Variants in GLI2 observed in about 807,000 individuals in gnomAD.
GLI2 encodes GLI family zinc finger 2.
GLI2 carries 22 observed loss-of-function variants against 78.9 expected under a neutral mutation model. That is an observed-to-expected ratio of 0.28 (90% confidence interval 0.20 to 0.40). The LOEUF (loss-of-function observed/expected upper bound fraction) is 0.40. Ranked by LOEUF, GLI2 falls within the 10% of genes least tolerant of loss-of-function variation. The probability of loss-of-function intolerance (pLI) is 1.00; values close to 1 mark genes in which losing one functional copy is unlikely to be tolerated. For missense variants in GLI2, 2,097 were observed against 2,213.2 expected, an observed-to-expected ratio of 0.95 and a Z score of 1.05; for synonymous variants, 974 against 963.7, an observed-to-expected ratio of 1.01 and a Z score of -0.20.
At chr2:120,969,314 G>A (rs1682021304) in intron 6 of GLI2, among the ~76,000 whole-genome samples, 1 of 152,194 alleles carries the variant, frequency 6.6e-6, no homozygotes, top group Non-Finnish European at 1.5e-5. Context: ...GCCTCCCTCT[G>A]TAGCCGCATG....
At chr2:120,785,185 G>A (rs1172548335) in intron 1 of GLI2, among the ~76,000 whole-genome samples, 2 of 152,164 alleles carry the variant, frequency 1.3e-5, no homozygotes, top group Non-Finnish European at 2.9e-5. Context: ...GGGTGGCTGA[G>A]GGCATGTGGC....
chr2:120,890,915 C>T (rs1677651666), intron 2 of GLI2, among the ~76,000 whole-genome samples: 2 of 152,140 alleles, frequency 1.3e-5, no homozygotes, highest in South Asian at 4.1e-4. Flanking sequence ...TGTGTGTCCT[C>T]CAGTTCTCCT....
At chr2:120,975,768 TA>T (rs1303972756) in intron 9 of GLI2, among the ~76,000 whole-genome samples, 67 of 152,286 alleles carry the variant, frequency 4.4e-4, no homozygotes, top group African/African-American at 1.6e-3. Context: ...ATATGGCAGT[TA>T]GGGGTGATGT....
intron 3 of GLI2, among the ~76,000 whole-genome samples, chr2:120,938,316 C>T (rs530625171): frequency 5.9e-5 from 9 of 152,206 alleles, no homozygotes; most frequent in Non-Finnish European, 1.0e-4. Context: ...CTAGGAAAAA[C>T]GTCTCCCTGA....
intron 2 of GLI2, among the ~76,000 whole-genome samples, chr2:120,816,294 C>T (rs1023469211): frequency 6.7e-6 from 1 of 149,836 alleles, no homozygotes; most frequent in Non-Finnish European, 1.5e-5. Context: ...CTCCCGGGTT[C>T]AGGTGATTCT....
intron 2 of GLI2, among the ~76,000 whole-genome samples, chr2:120,879,346 G>A (rs1381715654): frequency 6.6e-6 from 1 of 152,236 alleles, no homozygotes; most frequent in Admixed American, 6.5e-5. Flanking sequence ...TTGCAGCCAG[G>A]TCTGGAGGGG....
chr2:120,916,939 G>A (rs988988854), intron 2 of GLI2, among the ~76,000 whole-genome samples: 4 of 152,160 alleles, frequency 2.6e-5, no homozygotes, highest in African/African-American at 9.7e-5. Context: ...TGGTGTCGTC[G>A]TTTCTGGTAT....
intron 2 of GLI2, among the ~76,000 whole-genome samples, chr2:120,852,782 GC>G (rs1264954337): frequency 2.8e-4 from 43 of 152,334 alleles, no homozygotes; most frequent in African/African-American, 9.4e-4. Context: ...CACCCCGTAT[GC>G]CTTGGTAGGT....
chr2:120,955,767 G>A (rs1159702334), intron 5 of GLI2, among the ~76,000 whole-genome samples: 1 of 152,192 alleles, frequency 6.6e-6, no homozygotes, highest in Non-Finnish European at 1.5e-5. Context: ...CAGGGGCGGG[G>A]GGAGCGAGCA....
At chr2:120,834,472 G>A (rs1214068897) in intron 2 of GLI2, among the ~76,000 whole-genome samples, 1 of 152,154 alleles carries the variant, frequency 6.6e-6, no homozygotes, top group Non-Finnish European at 1.5e-5. Context: ...CCAGGTAGGG[G>A]AGATGGTTTG....
rs74379411 is a variant in GLI2 at position 120,936,141 on chromosome 2, C to T, written c.254+8675C>T. Among the ~76,000 whole-genome samples the T allele has an allele frequency of 5.2e-3, 791 of 152,298 alleles. 7 individuals are homozygous for T. The highest frequency in any genetic ancestry group is 0.017 in the African/African-American group (724 of 41,556). On this transcript the variant is annotated intron_variant, in intron 3 of 13. Coordinates refer to ENST00000361492, the MANE Select transcript of GLI2 (RefSeq NM_001374353.1). ...ACAGAACAGGGTTGAGGCCGGGGCT[C>T]ACATCTTGCCTATGCTGCTTATACT...
At chr2:120,882,287 C>G (rs1677191363) in intron 2 of GLI2, among the ~76,000 whole-genome samples, 1 of 152,144 alleles carries the variant, frequency 6.6e-6, no homozygotes, top group African/African-American at 2.4e-5. Context: ...GGTTGGGTCT[C>G]CAGGGCAGCT....
At chr2:120,876,124 G>A (rs151060598) in intron 2 of GLI2, among the ~76,000 whole-genome samples, 4,390 of 152,220 alleles carry the variant, frequency 0.029, 211 homozygotes, top group African/African-American at 0.094. Flanking sequence ...GGCAGATCAC[G>A]AGGTCAGGAG....
At chr2:120,883,213 TG>T (rs1432481377) in intron 2 of GLI2, among the ~76,000 whole-genome samples, 1 of 152,166 alleles carries the variant, frequency 6.6e-6, no homozygotes, top group Non-Finnish European at 1.5e-5. Context: ...TTGGCCGGGC[TG>T]GTGGCTCACA....
intron 2 of GLI2, among the ~76,000 whole-genome samples, chr2:120,869,957 G>A (rs1047029032): frequency 1.3e-5 from 2 of 152,100 alleles, no homozygotes; most frequent in Admixed American, 6.5e-5. Context: ...TAGGTTTAGT[G>A]TTCTGTTTCT....
intron 8 of GLI2, 45 bp downstream of exon 8, chr2:120,972,108 G>GC: frequency 6.2e-7 from 1 of 1,610,052 alleles, no homozygotes; most frequent in Non-Finnish European, 8.5e-7. Flanking sequence ...CTAGGACCAG[G>GC]CTTGTGGGCT....
intron 3 of GLI2, among the ~76,000 whole-genome samples, chr2:120,948,741 C>A (rs1056128190): frequency 6.6e-6 from 1 of 152,158 alleles, no homozygotes; most frequent in African/African-American, 2.4e-5. Context: ...GGTTGGCACA[C>A]CCCACAGGGC....
chr2:120,816,746 T>C (rs1181881813), intron 2 of GLI2, among the ~76,000 whole-genome samples: 3 of 152,238 alleles, frequency 2.0e-5, no homozygotes, highest in African/African-American at 4.8e-5. Context: ...TACTTCTGCA[T>C]TGAGTCTGTT....
rs1683164861 is a variant in GLI2 at position 120,989,371 on chromosome 2, A to C, written c.3406A>C (p.Thr1136Pro). Residue 1136 changes from threonine to proline, a missense_variant, in exon 14 of 14, where the codon ACC becomes CCC. Physicochemically the swap from Thr to Pro is conservative, Grantham distance 38. Transcript: ENST00000361492. ...GCAGTGGAATGAGGTGAGCTCCGGC[A>C]CCGTAGACGCCCTGGCCAGCCAGGT... ...PVQWNEVSSG[T>P]VDALASQVKP... 3.1e-6 allele frequency: 5 copies of C among 1,612,874 alleles called. No individual in the cohort carries two copies.
Sources: gnomAD v4.1 joint callset for allele counts (sites outside exome capture counted in the v4.1 genomes callset) on GRCh38, gnomAD v4.1.1 for gene constraint, MANE v1.5 for transcripts, NCBI Gene and HGNC (gene_info 2026-07-23, HGNC 2026-07-21) for gene names.